Variants in PTER observed in about 807,000 individuals in gnomAD.
The protein encoded by PTER is phosphotriesterase related.
A neutral mutation model predicts 29.6 loss-of-function variants in PTER; 38 were observed. The ratio of observed to expected loss-of-function variants is 1.28; its 90% CI spans 0.99 to 1.68. The LOEUF is 1.68. PTER is among the 40% of genes most tolerant of loss of function. The pLI, the probability that PTER is intolerant of heterozygous loss-of-function variation, is 0.00. For missense variants in PTER, 482 were observed against 427.8 expected, an observed-to-expected ratio of 1.13 and a Z score of -1.12; for synonymous variants, 172 against 154.5, an observed-to-expected ratio of 1.11 and a Z score of -0.84.
chr10:16,473,395 T>G (rs1835125977), intron 1 of PTER, among the ~76,000 whole-genome samples: 1 of 151,944 alleles, frequency 6.6e-6, no homozygotes, highest in Non-Finnish European at 1.5e-5. Context: ...ACCAAATCTA[T>G]GCACAAATGA....
intron 3 of PTER, 136 bp from the exon 4 acceptor site, chr10:16,504,883 GA>G: frequency 1.1e-6 from 1 of 880,968 alleles, no homozygotes; most frequent in Non-Finnish European, 1.7e-6. Flanking sequence ...ACATCATTAA[GA>G]GCCATTTCAG....
intron 1 of PTER, among the ~76,000 whole-genome samples, chr10:16,446,531 G>A (rs912555218): frequency 6.6e-6 from 1 of 152,046 alleles, no homozygotes. Flanking sequence ...ACTATTTCAA[G>A]TTAGAAGTTC....
At chr10:16,455,155 G>T (rs1834351051) in intron 1 of PTER, among the ~76,000 whole-genome samples, 1 of 152,084 alleles carries the variant, frequency 6.6e-6, no homozygotes, top group Non-Finnish European at 1.5e-5. Flanking sequence ...CTTGAGCCTG[G>T]GAGTCAGAGG....
intron 4 of PTER, among the ~76,000 whole-genome samples, chr10:16,506,905 C>T (rs535945191): frequency 6.6e-6 from 1 of 151,932 alleles, no homozygotes; most frequent in Non-Finnish European, 1.5e-5. Flanking sequence ...TGATTGCATG[C>T]CTGTGTATTG....
chr10:16,510,597 C>T (rs1337632004), intron 4 of PTER, among the ~76,000 whole-genome samples: 1 of 152,138 alleles, frequency 6.6e-6, no homozygotes, highest in Non-Finnish European at 1.5e-5. Context: ...ATTTTAATCG[C>T]AAACAGTCCT....
chr10:16,484,887 G>A lies in PTER; in HGVS notation c.432+71G>A, dbSNP rs570810096. ...ACAGCCAGAACCTTGGAAATGCCCTGGGTTCAGAGGTAGCTGGGCATGCTA... is the reference window on the plus strand; with the variant it reads ...ACAGCCAGAACCTTGGAAATGCCCTAGGTTCAGAGGTAGCTGGGCATGCTA... On this transcript the variant is annotated intron_variant, in intron 2 of 4. Transcript: ENST00000535784. 2.0e-3 allele frequency: 2,882 copies of A among 1,464,942 alleles called. 9 individuals are homozygous for A. The highest frequency in any genetic ancestry group is 3.0e-3 in the South Asian group (208 of 68,532). 90.7% of individuals were successfully genotyped at this position (1,464,942 alleles called of 1,614,324 possible). A position where few individuals can be genotyped will look rare whatever the true frequency, so the allele number is the denominator to read the frequency against.
At chr10:16,466,115 A>C (rs771368405) in intron 1 of PTER, among the ~76,000 whole-genome samples, 2 of 152,108 alleles carry the variant, frequency 1.3e-5, no homozygotes, top group Non-Finnish European at 2.9e-5. Flanking sequence ...ATGGGAATGG[A>C]GTTAGTTATC....
chr10:16,472,654 C>G (rs765737392), intron 1 of PTER, among the ~76,000 whole-genome samples: 27 of 152,154 alleles, frequency 1.8e-4, no homozygotes, highest in Non-Finnish European at 3.4e-4. Context: ...TGAGAACAGA[C>G]TAATACAGTC....
intron 4 of PTER, among the ~76,000 whole-genome samples, chr10:16,508,574 C>A (rs1836686092): frequency 1.3e-5 from 2 of 152,086 alleles, no homozygotes; most frequent in Non-Finnish European, 2.9e-5. Flanking sequence ...ACCGATGGCT[C>A]CCCCAGCATT....
intron 3 of PTER, among the ~76,000 whole-genome samples, chr10:16,493,698 G>A (rs2133472135): frequency 6.6e-6 from 1 of 152,040 alleles, no homozygotes; most frequent in South Asian, 2.1e-4. Context: ...GAGAGGGAGG[G>A]AGGCAGAAAG....
At chr10:16,440,067 A>ATTT (rs71374689) in intron 1 of PTER, among the ~76,000 whole-genome samples, 70,351 of 134,932 alleles carry the variant, frequency 0.52, 19,021 homozygotes, top group Middle Eastern at 0.73. Flanking sequence ...TCCTAACAAG[A>ATTT]TTTTTTTTTT....
At chr10:16,493,190 G>T (rs1004468699) in intron 3 of PTER, among the ~76,000 whole-genome samples, 2 of 152,114 alleles carry the variant, frequency 1.3e-5, no homozygotes, top group South Asian at 2.1e-4. Context: ...ATAATTATTT[G>T]GTTTCCTTGG....
At position 16,504,606 on chromosome 10, in the gene PTER, G is replaced by C. The variant is rs182629298; in HGVS notation, c.699-414G>C. Among the ~76,000 whole-genome samples the C allele has an allele frequency of 2.2e-3, 339 of 152,266 alleles. 12 individuals carry two copies. Among genetic ancestry groups the C allele is most frequent in the Admixed American group, 0.022 (335 of 15,276 alleles). ...TTAGCATTACTCACCTAATTCACCA[G>C]ACCTGAGGCCAGATTTCCTTTAATA... On this transcript the variant is annotated intron_variant, in intron 3 of 4. Coordinates refer to ENST00000535784, the MANE Select transcript of PTER (RefSeq NM_001261836.2).
At chr10:16,445,688 T>C (rs1193934695) in intron 1 of PTER, among the ~76,000 whole-genome samples, 1 of 152,208 alleles carries the variant, frequency 6.6e-6, no homozygotes, top group Non-Finnish European at 1.5e-5. Flanking sequence ...AGAGGCCACT[T>C]GTCTCCGATG....
intron 4 of PTER, among the ~76,000 whole-genome samples, chr10:16,509,537 A>G (rs1272615428): frequency 6.6e-6 from 1 of 152,232 alleles, no homozygotes; most frequent in Admixed American, 6.5e-5. Context: ...AGAAAATATC[A>G]GGGAGAAAGT....
intron 1 of PTER, among the ~76,000 whole-genome samples, chr10:16,473,334 A>G (rs1835124201): frequency 6.6e-6 from 1 of 152,072 alleles, no homozygotes; most frequent in South Asian, 2.1e-4. Flanking sequence ...TGATATATTC[A>G]TTATGAGTCC....
At chr10:16,515,338 A>T (rs1163955635), downstream of PTER, among the ~76,000 whole-genome samples, 1 of 151,838 alleles carries the variant, frequency 6.6e-6, no homozygotes, top group Non-Finnish European at 1.5e-5. Context: ...ATCTTTGATT[A>T]TATCACCTGA....
At chr10:16,514,373 G>T, downstream of PTER, 1 of 622,226 alleles carries the variant, frequency 1.6e-6, no homozygotes, top group Non-Finnish European at 2.8e-6. Flanking sequence ...ATGTTTCTGA[G>T]TGATACAGAT....
intron 4 of PTER, among the ~76,000 whole-genome samples, chr10:16,508,003 C>G (rs1215220916): frequency 6.6e-6 from 1 of 151,874 alleles, no homozygotes; most frequent in Non-Finnish European, 1.5e-5. Flanking sequence ...TTCACAATCT[C>G]AAAAACATGA....
Sources: allele counts gnomAD v4.1 joint callset (sites outside exome capture counted in the v4.1 genomes callset), GRCh38; gene constraint gnomAD v4.1.1; transcripts MANE v1.5; gene names NCBI Gene and HGNC (gene_info 2026-07-23, HGNC 2026-07-21).